Variants in BBX observed in about 807,000 individuals in gnomAD.
BBX encodes HMG box transcription factor BBX.
A neutral mutation model predicts 100.2 loss-of-function variants in BBX; 30 were observed. The ratio of observed to expected loss-of-function variants is 0.30; its 90% confidence interval spans 0.22 to 0.41. BBX has a LOEUF of 0.41. Ranked by LOEUF, BBX falls within the 10% of genes least tolerant of loss-of-function variation. The probability of loss-of-function intolerance (pLI) is 1.00; values close to 1 mark genes in which losing one functional copy is unlikely to be tolerated. For synonymous variants in BBX, 376 were observed against 388.1 expected (o/e 0.97, Z 0.37); for missense variants, 1,023 against 1,129.8 (o/e 0.91, Z 1.35).
intron 10 of BBX, among the ~76,000 whole-genome samples, chr3:107,764,579 A>G (rs566300763): frequency 4.6e-5 from 7 of 152,360 alleles, no homozygotes; most frequent in Admixed American, 3.9e-4. Context: ...AAACATTAAC[A>G]TTTTAACTTC....
At chr3:107,561,324 G>A (rs1262133424) in intron 2 of BBX, among the ~76,000 whole-genome samples, 1 of 152,114 alleles carries the variant, frequency 6.6e-6, no homozygotes, top group East Asian at 1.9e-4. Context: ...ATCACTGAGG[G>A]GAGCAATTTG....
intron 2 of BBX, among the ~76,000 whole-genome samples, chr3:107,577,847 A>G (rs987777222): frequency 2.0e-5 from 3 of 152,140 alleles, no homozygotes; most frequent in Non-Finnish European, 2.9e-5. Flanking sequence ...AAGGAGGCTC[A>G]CCAAGATGAC....
At chr3:107,540,359 G>C (rs571518663) in intron 2 of BBX, among the ~76,000 whole-genome samples, 1 of 151,992 alleles carries the variant, frequency 6.6e-6, no homozygotes, top group African/African-American at 2.4e-5. Context: ...GTAAGATCTG[G>C]ATCTTATCTT....
At chr3:107,550,309 G>A (rs910736593) in intron 2 of BBX, among the ~76,000 whole-genome samples, 16 of 152,088 alleles carry the variant, frequency 1.1e-4, no homozygotes, top group South Asian at 2.1e-4. Context: ...AGTCACTCTG[G>A]AGAGGTACAG....
At chr3:107,708,037 A>G (rs1024961182) in intron 3 of BBX, among the ~76,000 whole-genome samples, 7 of 152,168 alleles carry the variant, frequency 4.6e-5, no homozygotes, top group African/African-American at 7.2e-5. Context: ...CTACCACTCA[A>G]GCAACTCATC....
chr3:107,659,919 G>C (rs1270565248), intron 3 of BBX: 2 of 345,522 alleles, frequency 5.8e-6, no homozygotes, highest in Non-Finnish European at 1.1e-5. Context: ...TGAAGTAGTA[G>C]GGTGAATCTC....
At chr3:107,729,337 C>G (rs1374032359) in intron 6 of BBX, among the ~76,000 whole-genome samples, 1 of 152,058 alleles carries the variant, frequency 6.6e-6, no homozygotes, top group East Asian at 1.9e-4. Context: ...ACTTAAACAG[C>G]TACAGTCATG....
Position 107,805,492 on chromosome 3 carries a change from T to C in BBX, c.*35T>C. ...TCATTGTAAAACATTGTGCTTTACC[T>C]ACTACCCTAGCCTTGTCTTTACCGA... On this transcript the variant is annotated 3_prime_UTR_variant, in exon 18 of 18. Transcript: ENST00000325805. 6.2e-7 allele frequency: 1 copy of C among 1,614,086 alleles called. No individual in the cohort carries two copies. Among genetic ancestry groups the C allele is most frequent in the African/African-American group, 1.3e-5 (1 of 75,058 alleles).
chr3:107,571,982 T>C (rs748636266), intron 2 of BBX, among the ~76,000 whole-genome samples: 53 of 152,244 alleles, frequency 3.5e-4, no homozygotes, highest in Non-Finnish European at 7.1e-4. Context: ...CTGCTTGCCA[T>C]TGACTGTGCA....
intron 9 of BBX, among the ~76,000 whole-genome samples, chr3:107,750,519 CTT>C (rs1436267364): frequency 6.6e-6 from 1 of 152,066 alleles, no homozygotes; most frequent in African/African-American, 2.4e-5. Flanking sequence ...ATTATTGTAT[CTT>C]TGGTTATTTA....
chr3:107,544,983 T>C (rs1318370295), intron 2 of BBX, among the ~76,000 whole-genome samples: 3 of 151,680 alleles, frequency 2.0e-5, no homozygotes, highest in African/African-American at 7.3e-5. Context: ...GCCATTGTAC[T>C]CGAGCCTGGG....
At position 107,624,728 on chromosome 3, in the gene BBX, G is replaced by A. The variant is rs995740163; in HGVS notation, c.-83-21108G>A. On this transcript the variant is annotated intron_variant, in intron 2 of 17. Coordinates refer to ENST00000325805, the MANE Select transcript of BBX (RefSeq NM_001142568.3). ...TACTAAAAATACAAAAATAAGCTGG[G>A]CATGATGGTGGGTGCCTGTAATCCC... Among the ~76,000 whole-genome samples, 9 of 152,208 alleles carry A rather than the reference G, an allele frequency of 5.9e-5. No homozygotes were observed. In the East Asian group the frequency reaches 1.2e-3, roughly 20 times the overall value.
intron 2 of BBX, among the ~76,000 whole-genome samples, chr3:107,531,364 CA>C (rs1456039271): frequency 6.6e-5 from 10 of 152,166 alleles, no homozygotes; most frequent in African/African-American, 2.2e-4. Context: ...GGACTCTGAG[CA>C]TGTTACCTCA....
intron 2 of BBX, among the ~76,000 whole-genome samples, chr3:107,565,493 C>T (rs777878111): frequency 4.9e-5 from 5 of 102,904 alleles, no homozygotes; most frequent in Non-Finnish European, 8.7e-5. Flanking sequence ...ATGTTTGAGA[C>T]GGAGTCTCAC....
At chr3:107,768,323 A>G (rs1279895295) in intron 10 of BBX, among the ~76,000 whole-genome samples, 1 of 152,220 alleles carries the variant, frequency 6.6e-6, no homozygotes, top group Non-Finnish European at 1.5e-5. Flanking sequence ...AGATTTTAGC[A>G]AGACTTTTGA....
intron 7 of BBX, among the ~76,000 whole-genome samples, chr3:107,739,593 G>T (rs2063913014): frequency 6.6e-6 from 1 of 152,178 alleles, no homozygotes; most frequent in Admixed American, 6.5e-5. Flanking sequence ...TGATGAAATT[G>T]AGTATGCTCG....
chr3:107,541,653 T>C (rs2048872351), intron 2 of BBX, among the ~76,000 whole-genome samples: 1 of 152,092 alleles, frequency 6.6e-6, no homozygotes, highest in Non-Finnish European at 1.5e-5. Context: ...ATATTTAGAT[T>C]ATGTTAATCC....
At position 107,793,926 on chromosome 3, in the gene BBX, C is replaced by G. The variant is rs563343147; in HGVS notation, c.2353+2627C>G. Among the ~76,000 whole-genome samples, 14 of 151,996 alleles carry G rather than the reference C, an allele frequency of 9.2e-5. No individual in the cohort carries two copies. The Middle Eastern group carries it at 0.01, about 111-fold the overall frequency. On this transcript the variant is annotated intron_variant, in intron 15 of 17. Transcript: ENST00000325805. ...TTTAAATGCTAAGTTTATAATGTGT[C>G]TTAAACCCTGGGCTTTTACAATTCA...
chr3:107,778,603 A>G (rs2107825211), intron 13 of BBX, 84 bp downstream of exon 13: 1 of 1,432,070 alleles, frequency 7.0e-7, no homozygotes, highest in East Asian at 2.3e-5. Flanking sequence ...CTTTAGACAT[A>G]TCATTGGATT....
Sources: gnomAD v4.1 joint callset for allele counts (sites outside exome capture counted in the v4.1 genomes callset) on GRCh38, gnomAD v4.1.1 for gene constraint, MANE v1.5 for transcripts, NCBI Gene and HGNC (gene_info 2026-07-23, HGNC 2026-07-21) for gene names.